The following PRPF6 variants were observed in gnomAD, a reference collection of about 807,000 sequenced individuals.
PRPF6 encodes pre-mRNA processing factor 6.
Under a neutral mutation model 118.3 loss-of-function variants are expected in PRPF6, and 42 were observed. The ratio of observed to expected loss-of-function variants is 0.35; its 90% CI spans 0.28 to 0.46. The LOEUF (loss-of-function observed/expected upper bound fraction) is 0.46. Ranked by LOEUF, PRPF6 falls within the 20% of genes least tolerant of loss-of-function variation. The pLI is 1.00. For missense variants in PRPF6, 662 were observed against 1,255.7 expected, an observed-to-expected ratio of 0.53 and a Z score of 7.15; for synonymous variants, 481 against 485.1, an observed-to-expected ratio of 0.99 and a Z score of 0.11.
In PRPF6 at chr20:64,033,038, G is replaced by A. The variant is rs573998106; in HGVS notation, c.*45G>A. ...GGTCTCCGTGGGGCAGGGTTGGGCC[G>A]CATGTGGAAGGGCTCTGAGCTGTGT... On this transcript the variant is annotated 3_prime_UTR_variant, in exon 21 of 21. Transcript: ENST00000266079. 7.7e-5 allele frequency: 124 copies of A among 1,611,272 alleles called. 2 individuals are homozygous for A. In the South Asian group the frequency reaches 1.0e-3, roughly 14 times the overall value.
chr20:63,987,962 G>A (rs1241656793), intron 3 of PRPF6, among the ~76,000 whole-genome samples: 4 of 151,666 alleles, frequency 2.6e-5, no homozygotes, highest in South Asian at 4.2e-4. Flanking sequence ...GCAGGTGGAT[G>A]ACTGGAGGTC....
At chr20:64,001,042 A>T (rs763591829) in intron 8 of PRPF6, 35 bp from the exon 9 acceptor site, 1 of 1,611,440 alleles carries the variant, frequency 6.2e-7, no homozygotes, top group South Asian at 1.1e-5. Context: ...TCCAGCCTGC[A>T]CTGAGCCTTA....
In PRPF6 at chr20:64,010,269, C is replaced by G. The variant is rs1416232991; in HGVS notation, c.1256C>G (p.Ala419Gly). ...GTTGAGCTGGAAGAACCTGAAGATG[C>G]TAGAATCATGCTGAGCCGAGCTGTG... is the stretch of plus-strand genomic sequence containing the variant. ...AAVELEEPED[A>G]RIMLSRAVEC... Residue 419 changes from alanine to glycine, a missense_variant, in exon 10 of 21, where the codon GCT (alanine) becomes GGT (glycine). Transcript: ENST00000266079. 6.2e-7 allele frequency: 1 copy of G among 1,614,106 alleles called. No individual in the cohort carries two copies. Among genetic ancestry groups the G allele is most frequent in the Admixed American group, 1.7e-5 (1 of 60,012 alleles).
chr20:64,011,418 C>G lies in PRPF6; in HGVS notation c.1439C>G (p.Thr480Arg). ...AAGCTGGAGGAAGCCAATGGGAACA[C>G]GCAGATGGTGGAGAAGATCATCGAC... is the stretch of plus-strand genomic sequence containing the variant. Reference protein sequence around the residue: ...AAKLEEANGNTQMVEKIIDRA... With the variant: ...AAKLEEANGNRQMVEKIIDRA... Residue 480 changes from threonine to arginine, a missense_variant, in exon 11 of 21, where the codon ACG becomes AGG. Around this residue, in one of 10 missense-constraint regions of PRPF6, gnomAD observed 189 missense variants for 323.5 expected, o/e 0.58. Coordinates refer to ENST00000266079, the MANE Select transcript of PRPF6 (RefSeq NM_012469.4). This position sits in a 1 kb window ranked among gnomAD's most constrained non-coding sequence, Gnocchi z 6.7. The G allele has an allele frequency of 1.2e-6, 2 of 1,614,240 alleles. No individual in the cohort carries two copies. The highest frequency in any genetic ancestry group is 3.3e-5 in the Admixed American group (2 of 60,030).
At chr20:64,025,477 G>A (rs907959872) in intron 14 of PRPF6, among the ~76,000 whole-genome samples, 21 of 150,898 alleles carry the variant, frequency 1.4e-4, no homozygotes, top group African/African-American at 4.7e-4. Context: ...TTCTCCACAT[G>A]TCAGTGGCAC....
intron 1 of PRPF6, 62 bp from the exon 2 acceptor site, chr20:63,982,985 A>T: frequency 6.3e-7 from 1 of 1,579,342 alleles, no homozygotes; most frequent in Non-Finnish European, 8.6e-7. Context: ...GATAACCAGG[A>T]GTGGAGAAGA....
intron 6 of PRPF6, among the ~76,000 whole-genome samples, chr20:63,998,666 C>T (rs2123017813): frequency 6.6e-6 from 1 of 151,354 alleles, no homozygotes; most frequent in East Asian, 2.0e-4. Context: ...ACGGTGAAAC[C>T]CCGTCTCTAC....
Position 64,026,097 on chromosome 20 carries a change from A to C in PRPF6, c.2028+39A>C, listed in dbSNP as rs764320124. On this transcript the variant is annotated intron_variant, in intron 15 of 20. Coordinates refer to ENST00000266079, the MANE Select transcript of PRPF6 (RefSeq NM_012469.4). The surrounding 1 kb of genome is among the most constrained non-coding windows in gnomAD (Gnocchi z 4.4). ...GGCAGGGCTGGGCCGTCTGGGGTGC[A>C]TGGTGTGCACATGCGGGCCCCACGC... The C allele has an allele frequency of 6.3e-7, 1 of 1,597,666 alleles. No individual in the cohort carries two copies. The highest frequency in any genetic ancestry group is 8.5e-7 in the Non-Finnish European group (1 of 1,179,304).
In PRPF6 at chr20:64,026,537, G is replaced by A. The variant is rs897483077; in HGVS notation, c.2029-445G>A. 6.6e-6 allele frequency among the ~76,000 whole-genome samples: 1 copy of A among 150,540 alleles called. No individual in the cohort carries two copies. The highest frequency in any genetic ancestry group is 2.0e-4 in the East Asian group (1 of 5,088). Reference sequence around the variant, plus strand: ...ACAACAACAACAAACATGTTCATACGGCCGGGTGTGGTGGCTCACGCCTGT... The same window carrying A: ...ACAACAACAACAAACATGTTCATACAGCCGGGTGTGGTGGCTCACGCCTGT... On this transcript the variant is annotated intron_variant, in intron 15 of 20. Transcript: ENST00000266079. The surrounding 1 kb of genome is among the most constrained non-coding windows in gnomAD (Gnocchi z 4.4).
In PRPF6 at chr20:64,029,527, G is replaced by A. The variant is rs375618147; in HGVS notation, c.2546+36G>A. On this transcript the variant is annotated intron_variant, in intron 19 of 20. Transcript: ENST00000266079. This position sits in a 1 kb window ranked among gnomAD's most constrained non-coding sequence, Gnocchi z 4.8. ...CCCCCACAGGATTGCTGAACCTCGGGGTCCTAATGGGCTCTTTTTCCAGAG... is the reference window on the plus strand; with the variant it reads ...CCCCCACAGGATTGCTGAACCTCGGAGTCCTAATGGGCTCTTTTTCCAGAG... 1 of 1,530,706 alleles carries A rather than the reference G, an allele frequency of 6.5e-7. No individual in the cohort carries two copies. The highest frequency in any genetic ancestry group is 1.4e-5 in the African/African-American group (1 of 73,168). The allele number at this position is 1,530,706 out of a possible 1,614,324, so 94.8% of individuals were successfully genotyped here. A position where few individuals can be genotyped will look rare whatever the true frequency, so the allele number is the denominator to read the frequency against.
intron 6 of PRPF6, among the ~76,000 whole-genome samples, chr20:63,997,733 G>C (rs2059147427): frequency 6.6e-6 from 1 of 152,060 alleles, no homozygotes. Context: ...GGGATTAGAA[G>C]TGTGATTTTT....
chr20:63,993,252 GTGTGTGTGTGTA>G (rs1309199863), intron 3 of PRPF6, among the ~76,000 whole-genome samples, 143 bp from the exon 4 acceptor site: 4 of 139,750 alleles, frequency 2.9e-5, no homozygotes, highest in Non-Finnish European at 4.6e-5. Context: ...GTGTGTGTGT[GTGTGTGTGTGTA>G]TATGTATATA....
In PRPF6 at chr20:64,026,684, C is replaced by T. The variant is rs181737222; in HGVS notation, c.2029-298C>T. Among the ~76,000 whole-genome samples, 243 of 152,064 alleles carry T rather than the reference C, an allele frequency of 1.6e-3. No individual in the cohort carries two copies. The highest frequency in any genetic ancestry group is 5.5e-3 in the African/African-American group (230 of 41,456). ...GTGTGGTGGCTTGCACCTGTAGTTC[C>T]AGCTACTTGGGAGGCTGAGGCAGGA... On this transcript the variant is annotated intron_variant, in intron 15 of 20. Transcript: ENST00000266079. This position sits in a 1 kb window ranked among gnomAD's most constrained non-coding sequence, Gnocchi z 4.4.
At chr20:64,017,306 C>G (rs1601526954) in intron 12 of PRPF6, among the ~76,000 whole-genome samples, 1 of 149,748 alleles carries the variant, frequency 6.7e-6, no homozygotes, top group Non-Finnish European at 1.5e-5. Flanking sequence ...GCTGGGATCA[C>G]AGGCGTGAGC....
chr20:64,001,549 G>A (rs1321179330), intron 9 of PRPF6, among the ~76,000 whole-genome samples: 2 of 152,158 alleles, frequency 1.3e-5, no homozygotes, highest in African/African-American at 2.4e-5. Flanking sequence ...TGAGAACAAC[G>A]GTAGCTCAAA....
intron 3 of PRPF6, among the ~76,000 whole-genome samples, chr20:63,991,898 C>T (rs1191775039): frequency 6.6e-6 from 1 of 152,164 alleles, no homozygotes; most frequent in Non-Finnish European, 1.5e-5. Flanking sequence ...CACATGTAGT[C>T]TCAACACCGA....
Position 63,981,281 on chromosome 20 carries a change from C to T in PRPF6, c.36C>T (p.Pro12=), listed in dbSNP as rs1347158194. The T allele has an allele frequency of 1.2e-6, 2 of 1,607,890 alleles. No individual in the cohort carries two copies. Among genetic ancestry groups the T allele is most frequent in the East Asian group, 2.2e-5 (1 of 44,662 alleles). The change falls in exon 1 of 21, where the codon CCC becomes CCT. Residue 12 remains proline (P), a synonymous_variant. Coordinates refer to ENST00000266079, the MANE Select transcript of PRPF6 (RefSeq NM_012469.4). Reference sequence around the variant, plus strand: ...AGAAGAAACCGTTCCTAGGGATGCCCGCGCCCCTCGGCTACGTGCCGGGGC... The same window carrying T: ...AGAAGAAACCGTTCCTAGGGATGCCTGCGCCCCTCGGCTACGTGCCGGGGC... ...NKKKKPFLGM[P]APLGYVPGLG...
chr20:63,982,981 C>T (rs1435719467), intron 1 of PRPF6, 66 bp from the exon 2 acceptor site: 6 of 1,572,338 alleles, frequency 3.8e-6, no homozygotes, highest in Non-Finnish European at 5.2e-6. Context: ...AAGTGATAAC[C>T]AGGAGTGGAG....
intron 11 of PRPF6, among the ~76,000 whole-genome samples, chr20:64,012,954 AC>A (rs1441968412): frequency 9.0e-6 from 1 of 111,608 alleles, no homozygotes; most frequent in Non-Finnish European, 1.9e-5. Flanking sequence ...TCTCCCCCAC[AC>A]CCTTTTTTTT....
Sources: gnomAD v4.1 joint callset for allele counts (sites outside exome capture counted in the v4.1 genomes callset) on GRCh38, gnomAD v4.1.1 for gene constraint, gnomAD v4.1.1 regional missense constraint, Gnocchi (gnomAD v3.1) non-coding constraint, MANE v1.5 for transcripts, NCBI Gene and HGNC (gene_info 2026-07-23, HGNC 2026-07-21) for gene names.